ERN1: variants seen among roughly 807,000 people sequenced by gnomAD.
ERN1 encodes endoplasmic reticulum to nucleus signaling 1.
ERN1 carries 39 observed loss-of-function variants against 113.1 expected under a neutral mutation model. The observed-to-expected ratio is 0.34, with a 90% CI of 0.27 to 0.45. ERN1 has a LOEUF of 0.45. Among genes scored for constraint, ERN1 ranks in the 20% least tolerant of loss-of-function variants. The pLI is 1.00. For synonymous variants in ERN1, 507 were observed against 515.9 expected (o/e 0.98, Z 0.23); for missense variants, 976 against 1,274.8 (o/e 0.77, Z 3.57).
At chr17:64,060,417 C>T in intron 11 of ERN1, 52 bp downstream of exon 11, 8 of 1,147,058 alleles carry the variant, frequency 7.0e-6, no homozygotes, top group South Asian at 1.2e-5. Flanking sequence ...TAATGCCTCA[C>T]CCTCCCAACA....
At chr17:64,101,275 G>C (rs1291689873) in intron 1 of ERN1, among the ~76,000 whole-genome samples, 1 of 152,096 alleles carries the variant, frequency 6.6e-6, no homozygotes, top group African/African-American at 2.4e-5. Context: ...CGGGCGTGGT[G>C]GTGGGTGCCT....
chr17:64,104,843 T>A (rs967553795), intron 1 of ERN1, among the ~76,000 whole-genome samples: 25 of 151,896 alleles, frequency 1.6e-4, no homozygotes, highest in Non-Finnish European at 4.4e-5. Flanking sequence ...AGAAATAAGA[T>A]CATTAAAATG....
intron 2 of ERN1, among the ~76,000 whole-genome samples, chr17:64,088,292 C>T (rs1008129297): frequency 6.6e-6 from 1 of 152,182 alleles, no homozygotes; most frequent in Non-Finnish European, 1.5e-5. Flanking sequence ...TCTGACCACC[C>T]TTCTGACCCC....
chr17:64,062,276 T>A (rs1234908357), intron 10 of ERN1, among the ~76,000 whole-genome samples: 1 of 152,258 alleles, frequency 6.6e-6, no homozygotes, highest in Non-Finnish European at 1.5e-5. Flanking sequence ...CCACAGACCA[T>A]GCCTCTCAAG....
At chr17:64,045,503 G>A (rs1263045286) in intron 19 of ERN1, 21 bp from the exon 20 acceptor site, 1 of 1,613,730 alleles carries the variant, frequency 6.2e-7, no homozygotes, top group African/African-American at 1.3e-5. Flanking sequence ...AACAAGGGCA[G>A]CAGATGATGG....
At chr17:64,120,872 GC>G (rs1434874672) in intron 1 of ERN1, among the ~76,000 whole-genome samples, 3 of 152,148 alleles carry the variant, frequency 2.0e-5, no homozygotes, top group Non-Finnish European at 4.4e-5. Context: ...CAACCCACTT[GC>G]TTGATGATAT....
chr17:64,102,343 C>G (rs1431836124), intron 1 of ERN1, among the ~76,000 whole-genome samples: 1 of 152,142 alleles, frequency 6.6e-6, no homozygotes, highest in East Asian at 1.9e-4. Flanking sequence ...GGAAAAATCT[C>G]AAAAATACAA....
rs1913236915 is a variant in ERN1 at position 64,066,694 on chromosome 17, C to T, written c.819G>A (p.Glu273=). 1.2e-6 allele frequency: 2 copies of T among 1,613,888 alleles called. No individual in the cohort carries two copies. Among genetic ancestry groups the T allele is most frequent in the Non-Finnish European group, 8.5e-7 (1 of 1,179,898 alleles). ...ITKWKYPFPK[E]TEAKSKLTPT... ...ACGTCAGCTTGCTCTTGGCCTCTGT[C>T]TCCTTGGGGAACGGGTACTTCCACT... Residue 273 remains glutamate, a synonymous_variant, in exon 8 of 22, where the codon GAG becomes GAA. Coordinates refer to ENST00000433197, the MANE Select transcript of ERN1 (RefSeq NM_001433.5).
chr17:64,098,634 T>A (rs1319517302), intron 1 of ERN1: 2 of 512,094 alleles, frequency 3.9e-6, no homozygotes, highest in Non-Finnish European at 7.7e-6. Flanking sequence ...TACCCACGCA[T>A]ACACACATTC....
Position 64,063,267 on chromosome 17 carries a change from C to T in ERN1, c.1087+719G>A, listed in dbSNP as rs1913109631. Among the ~76,000 whole-genome samples, 1 of 152,236 alleles carries T rather than the reference C, an allele frequency of 6.6e-6. No homozygotes were observed. The highest frequency in any genetic ancestry group is 1.5e-5 in the Non-Finnish European group (1 of 68,042). On this transcript the variant is annotated intron_variant, in intron 10 of 21. Transcript: ENST00000433197. The surrounding 1 kb of genome is among the most constrained non-coding windows in gnomAD (Gnocchi z 5.1). Reference sequence around the variant, plus strand: ...AGGGCAGATGGGGTTCAAGAAAACTCCCTCCTGCTCTAATGACTTGGCACA... The same window carrying T: ...AGGGCAGATGGGGTTCAAGAAAACTTCCTCCTGCTCTAATGACTTGGCACA...
intron 1 of ERN1, among the ~76,000 whole-genome samples, chr17:64,106,074 G>A (rs1189756303): frequency 3.3e-5 from 5 of 152,136 alleles, no homozygotes; most frequent in African/African-American, 4.8e-5. Context: ...CCTGGAACCC[G>A]CAACCTGCCA....
At chr17:64,097,262 A>G (rs1035894296) in intron 2 of ERN1, among the ~76,000 whole-genome samples, 1 of 152,190 alleles carries the variant, frequency 6.6e-6, no homozygotes, top group Non-Finnish European at 1.5e-5. Flanking sequence ...CTGAATTCAC[A>G]AGACAATGTG....
chr17:64,101,079 C>G (rs1306523998), intron 1 of ERN1, among the ~76,000 whole-genome samples: 1 of 152,020 alleles, frequency 6.6e-6, no homozygotes, highest in African/African-American at 2.4e-5. Context: ...GTCCCCACCA[C>G]ACACCCAATG....
At chr17:64,056,031 C>T (rs1226442361) in intron 12 of ERN1, 83 bp from the exon 13 acceptor site, 14 of 1,460,192 alleles carry the variant, frequency 9.6e-6, no homozygotes, top group African/African-American at 8.5e-5. Context: ...GTCCCAGTGG[C>T]GGAGGGAGCA....
rs1238164727 is a variant in ERN1 at position 64,054,415 on chromosome 17, C to A, written c.1788G>T (p.Val596=). The change falls in exon 15 of 22, where the codon GTG becomes GTT. Residue 596 remains valine, a synonymous_variant. Transcript: ENST00000433197. The surrounding 1 kb of genome is among the most constrained non-coding windows in gnomAD (Gnocchi z 4.9). ...ACTCGGGGAGGATCCTCTTCACGGC[C>A]ACGTCGCGGTTGTCAAACATGCCCC... ...VYRGMFDNRD[V]AVKRILPECF... The A allele has an allele frequency of 1.0e-5, 16 of 1,573,908 alleles. No homozygotes were observed. The East Asian group carries it at 3.8e-4, about 37-fold the overall frequency.
Position 64,061,434 on chromosome 17 carries a change from T to C in ERN1, c.1088-847A>G, listed in dbSNP as rs534333368. Among the ~76,000 whole-genome samples the C allele has an allele frequency of 3.3e-5, 5 of 152,352 alleles. No homozygotes were observed. The South Asian group carries it at 1.0e-3, about 32-fold the overall frequency. ...CACGTCTCTTTCACCTTATGATCTTTCCATTGTTCCCCTAAACCTATCAAA... is the reference window on the plus strand; with the variant it reads ...CACGTCTCTTTCACCTTATGATCTTCCCATTGTTCCCCTAAACCTATCAAA... On this transcript the variant is annotated intron_variant, in intron 10 of 21. Transcript: ENST00000433197.
chr17:64,092,015 G>A (rs1376462290), intron 2 of ERN1, among the ~76,000 whole-genome samples: 1 of 152,166 alleles, frequency 6.6e-6, no homozygotes, highest in Non-Finnish European at 1.5e-5. Flanking sequence ...ATTTCAGCAG[G>A]CAGGGGTACA....
At chr17:64,095,860 C>T (rs1445056120) in intron 2 of ERN1, among the ~76,000 whole-genome samples, 1 of 152,226 alleles carries the variant, frequency 6.6e-6, no homozygotes. Context: ...AGGCCTCACT[C>T]CTGACTGAAC....
chr17:64,110,815 C>T (rs1033031610), intron 1 of ERN1, among the ~76,000 whole-genome samples: 1 of 152,224 alleles, frequency 6.6e-6, no homozygotes. Context: ...CAGCCTCACA[C>T]GTTTGAATAG....
Sources: allele counts gnomAD v4.1 joint callset (sites outside exome capture counted in the v4.1 genomes callset), GRCh38; gene constraint gnomAD v4.1.1; non-coding constraint Gnocchi (gnomAD v3.1); transcripts MANE v1.5; gene names NCBI Gene and HGNC (gene_info 2026-07-23, HGNC 2026-07-21).